The following MECOM variants were observed in gnomAD, a reference collection of about 807,000 sequenced individuals.
The protein encoded by MECOM is histone-lysine N-methyltransferase MECOM.
Under a neutral mutation model 116.3 loss-of-function variants are expected in MECOM, and 13 were observed. The ratio of observed to expected loss-of-function variants is 0.11; its 90% CI spans 0.07 to 0.18. MECOM has a LOEUF of 0.18. MECOM is among the 10% of genes least tolerant of loss of function. The probability of loss-of-function intolerance (pLI) is 1.00; values close to 1 mark genes in which losing one functional copy is unlikely to be tolerated. For missense variants in MECOM, 1,299 were observed against 1,509.0 expected, an observed-to-expected ratio of 0.86 and a Z score of 2.31; for synonymous variants, 528 against 535.2, an observed-to-expected ratio of 0.99 and a Z score of 0.19.
chr3:169,169,763 T>C (rs73170018), intron 2 of MECOM, among the ~76,000 whole-genome samples: 10,699 of 152,228 alleles, frequency 0.07, 480 homozygotes, highest in South Asian at 0.19. Flanking sequence ...AGAAGTTTAT[T>C]TTAATAAACA....
At chr3:169,168,536 GT>G (rs1252261905) in intron 2 of MECOM, among the ~76,000 whole-genome samples, 1 of 152,024 alleles carries the variant, frequency 6.6e-6, no homozygotes, top group African/African-American at 2.4e-5. Context: ...ATAATGATTA[GT>G]TATGGGCAAA....
intron 2 of MECOM, among the ~76,000 whole-genome samples, chr3:169,180,975 G>A (rs1745894794): frequency 6.6e-6 from 1 of 151,728 alleles, no homozygotes; most frequent in Non-Finnish European, 1.5e-5. Context: ...AAACTAATAA[G>A]AGTTATAATA....
chr3:169,587,087 A>G (rs1001701432), intron 1 of MECOM, among the ~76,000 whole-genome samples: 4 of 152,202 alleles, frequency 2.6e-5, no homozygotes, highest in African/African-American at 9.6e-5. Context: ...AACTTGGACA[A>G]CAAAAAGAGG....
chr3:169,132,481 T>C (rs1461948692), intron 3 of MECOM, among the ~76,000 whole-genome samples: 1 of 15,210 alleles, frequency 6.6e-5, no homozygotes, highest in Non-Finnish European at 1.6e-4. Flanking sequence ...ACCATAAAAA[T>C]GTCATCAGTT....
At position 169,597,997 on chromosome 3, in the gene MECOM, G is replaced by A. The variant is rs1053146897; in HGVS notation, c.37+65339C>T. ...ACATCAGATAATTGGCACTTCCAGCGTTAGGGAGAGTTGTCCAAGCTTTTG... is the reference window on the plus strand; with the variant it reads ...ACATCAGATAATTGGCACTTCCAGCATTAGGGAGAGTTGTCCAAGCTTTTG... On this transcript the variant is annotated intron_variant, in intron 1 of 16. Transcript: ENST00000651503. Among the ~76,000 whole-genome samples the A allele has an allele frequency of 4.6e-5, 7 of 152,160 alleles. No individual in the cohort carries two copies. The East Asian group carries it at 5.8e-4, about 13-fold the overall frequency.
At position 169,343,093 on chromosome 3, in the gene MECOM, A is replaced by C. The variant is rs1724812947; in HGVS notation, c.375+38094T>G. Among the ~76,000 whole-genome samples the C allele has an allele frequency of 2.0e-5, 3 of 152,288 alleles. No homozygotes were observed. The South Asian group carries it at 6.2e-4, about 32-fold the overall frequency. ...ATGGGCAAAGAAAGGAAACAATCAG[A>C]AGAGGAGAGAAGATGGATGTTCTGT... On this transcript the variant is annotated intron_variant, in intron 2 of 16. Coordinates refer to ENST00000651503, the MANE Select transcript of MECOM (RefSeq NM_004991.4).
chr3:169,403,711 A>C (rs1378236096), intron 1 of MECOM, among the ~76,000 whole-genome samples: 1 of 152,236 alleles, frequency 6.6e-6, no homozygotes, highest in Non-Finnish European at 1.5e-5. Context: ...AAATAAAATA[A>C]TATGGAATAA....
intron 1 of MECOM, among the ~76,000 whole-genome samples, chr3:169,601,992 T>A (rs2109748238): frequency 6.6e-6 from 1 of 152,286 alleles, no homozygotes; most frequent in South Asian, 2.1e-4. Context: ...TTCCTATAAA[T>A]ACCATCCCCC....
chr3:169,326,710 A>G (rs1721883530), intron 2 of MECOM, among the ~76,000 whole-genome samples: 2 of 152,192 alleles, frequency 1.3e-5, no homozygotes, highest in Non-Finnish European at 2.9e-5. Context: ...TATTTTTACC[A>G]CCTTCAAACG....
At chr3:169,383,320 A>ATCATTATCATT (rs1311372794) in intron 1 of MECOM, among the ~76,000 whole-genome samples, 5 of 152,136 alleles carry the variant, frequency 3.3e-5, no homozygotes, top group African/African-American at 1.2e-4. Context: ...TTCTCAACAT[A>ATCATTATCATT]CAAGCTCATT....
intron 1 of MECOM, among the ~76,000 whole-genome samples, chr3:169,512,696 T>C (rs546138056): frequency 2.0e-5 from 3 of 152,314 alleles, no homozygotes; most frequent in African/African-American, 7.2e-5. Context: ...AATGAATGAA[T>C]AAACTTGGTG....
chr3:169,580,140 CT>C lies in MECOM; in HGVS notation c.37+83195del, dbSNP rs1428130104. On this transcript the variant is annotated intron_variant, in intron 1 of 16. Transcript: ENST00000651503. ...GCCACTTTATTAGTAGACTATTTGT[CT>C]ATATTTTGAAGTGCAGAAATTGACG... Among the ~76,000 whole-genome samples, 4 of 152,122 alleles carry C rather than the reference CT, an allele frequency of 2.6e-5. No individual in the cohort carries two copies. In the East Asian group the frequency reaches 7.7e-4, roughly 29 times the overall value.
intron 1 of MECOM, among the ~76,000 whole-genome samples, chr3:169,516,822 C>T (rs1455791960): frequency 6.6e-6 from 1 of 152,156 alleles, no homozygotes; most frequent in Non-Finnish European, 1.5e-5. Context: ...TAAGGGCAGA[C>T]CCACAGAGGA....
chr3:169,241,165 T>G (rs1236849710), intron 2 of MECOM, among the ~76,000 whole-genome samples: 1 of 152,134 alleles, frequency 6.6e-6, no homozygotes, highest in African/African-American at 2.4e-5. Flanking sequence ...TAAAAATCAC[T>G]GTTGATATTT....
chr3:169,648,693 G>A (rs995407820), intron 1 of MECOM, among the ~76,000 whole-genome samples: 3 of 152,236 alleles, frequency 2.0e-5, no homozygotes. Flanking sequence ...AGAGAAGGCA[G>A]CGCTTTTTAT....
intron 5 of MECOM, 134 bp from the exon 6 acceptor site, chr3:169,122,861 A>T: frequency 1.0e-6 from 1 of 996,168 alleles, no homozygotes; most frequent in Non-Finnish European, 1.5e-6. Context: ...GGAAGAGCAG[A>T]AACAGGCTTG....
At chr3:169,151,238 C>T (rs545449559) in intron 2 of MECOM, among the ~76,000 whole-genome samples, 1 of 152,280 alleles carries the variant, frequency 6.6e-6, no homozygotes, top group Admixed American at 6.5e-5. Flanking sequence ...CTGCACTGTC[C>T]ACTTTTAATA....
intron 3 of MECOM, among the ~76,000 whole-genome samples, chr3:169,141,668 C>T (rs768041579): frequency 1.3e-5 from 2 of 151,978 alleles, no homozygotes; most frequent in Non-Finnish European, 2.9e-5. Flanking sequence ...TATGCATACA[C>T]TATTTGGGTG....
chr3:169,488,145 A>G (rs9851351), intron 1 of MECOM, among the ~76,000 whole-genome samples: 19,591 of 152,012 alleles, frequency 0.13, 1,419 homozygotes, highest in African/African-American at 0.17. Flanking sequence ...TGTAATTAAT[A>G]AAGACCCAAA....
Sources: allele counts gnomAD v4.1 joint callset (sites outside exome capture counted in the v4.1 genomes callset), GRCh38; gene constraint gnomAD v4.1.1; transcripts MANE v1.5; gene names NCBI Gene and HGNC (gene_info 2026-07-23, HGNC 2026-07-21).